The following LRP2BP variants were observed in gnomAD, a reference collection of about 807,000 sequenced individuals.
The protein encoded by LRP2BP is LRP2 binding protein.
Under a neutral mutation model 45.2 loss-of-function variants are expected in LRP2BP, and 38 were observed. The ratio of observed to expected loss-of-function variants is 0.84; its 90% CI spans 0.65 to 1.10. LRP2BP has a LOEUF of 1.10. LRP2BP is among the 50% of genes least tolerant of loss of function. The pLI, the probability that LRP2BP is intolerant of heterozygous loss-of-function variation, is 0.00. For missense variants in LRP2BP, 385 were observed against 418.9 expected (o/e 0.92, Z 0.71); for synonymous variants, 153 against 153.9 (o/e 0.99, Z 0.04).
intron 1 of LRP2BP, among the ~76,000 whole-genome samples, chr4:185,385,821 A>G (rs774414332): frequency 6.7e-6 from 1 of 149,894 alleles, no homozygotes; most frequent in East Asian, 2.0e-4. Flanking sequence ...GAATTGCTCA[A>G]ACCCGGAAGG....
intron 1 of LRP2BP, among the ~76,000 whole-genome samples, chr4:185,388,859 C>T (rs2095479774): frequency 6.7e-6 from 1 of 150,216 alleles, no homozygotes; most frequent in African/African-American, 2.5e-5. Context: ...AAATGCTAAT[C>T]TTACTAATAA....
intron 8 of LRP2BP, among the ~76,000 whole-genome samples, chr4:185,369,092 A>G (rs6851813): frequency 6.7e-6 from 1 of 149,972 alleles, no homozygotes; most frequent in African/African-American, 2.4e-5. Context: ...CGGTACCTGG[A>G]CTTTTTTTGT....
chr4:185,390,901 T>C (rs1336562189), intron 1 of LRP2BP: 1 of 152,234 alleles, frequency 6.6e-6, no homozygotes, highest in Admixed American at 6.5e-5. Flanking sequence ...CACATTATAA[T>C]AGTATGTTTG....
In LRP2BP at chr4:185,394,821, C is replaced by T. The variant is rs557099958; in HGVS notation, c.-64G>A. On this transcript the variant is annotated 5_prime_UTR_variant, in exon 1 of 9. Transcript: ENST00000505916. Reference sequence around the variant, plus strand: ...TTTTAACACTCGCTGTAAATGGCATCCTCGTTCTGGAAACGCATCTACCAG... The same window carrying T: ...TTTTAACACTCGCTGTAAATGGCATTCTCGTTCTGGAAACGCATCTACCAG... 11 of 985,436 alleles carry T rather than the reference C, an allele frequency of 1.1e-5. No homozygotes were observed. In the South Asian group the frequency reaches 3.8e-4, roughly 34 times the overall value. The allele number at this position is 985,436 out of a possible 1,614,324, so 61.0% of individuals were successfully genotyped here. A position where few individuals can be genotyped will look rare whatever the true frequency, so the allele number is the denominator to read the frequency against.
intron 8 of LRP2BP, chr4:185,369,891 G>C: frequency 2.9e-6 from 1 of 349,038 alleles, no homozygotes. Context: ...TGTAATATCA[G>C]AGTCAGCCAA....
At chr4:185,375,513 T>TA (rs1265386343) in intron 4 of LRP2BP, 100 bp downstream of exon 4, 1 of 87,152 alleles carries the variant, frequency 1.1e-5, no homozygotes, top group Non-Finnish European at 2.0e-5. Context: ...TATATATATA[T>TA]ATGTATATAT....
intron 1 of LRP2BP, among the ~76,000 whole-genome samples, chr4:185,381,375 C>A (rs571145912): frequency 6.6e-6 from 1 of 152,170 alleles, no homozygotes; most frequent in East Asian, 1.9e-4. Context: ...CATTCTTGGG[C>A]CTGCTTTTTC....
chr4:185,368,310 C>A (rs1296500698), intron 8 of LRP2BP, among the ~76,000 whole-genome samples: 1 of 152,224 alleles, frequency 6.6e-6, no homozygotes, highest in Non-Finnish European at 1.5e-5. Context: ...GGGAGTCACC[C>A]TGCCTGACGG....
intron 1 of LRP2BP, among the ~76,000 whole-genome samples, chr4:185,380,588 T>C (rs371723371): frequency 1.8e-4 from 28 of 152,312 alleles, no homozygotes; most frequent in African/African-American, 6.7e-4. Context: ...CACCAGTCAT[T>C]GGAGTTGGCA....
intron 1 of LRP2BP, among the ~76,000 whole-genome samples, chr4:185,393,515 T>C (rs934374344): frequency 1.9e-4 from 25 of 130,296 alleles, no homozygotes; most frequent in African/African-American, 5.6e-4. Flanking sequence ...CAAGAGTAAT[T>C]ACTTTTTCTT....
upstream of LRP2BP, chr4:185,396,985 C>T (rs745658221): frequency 5.1e-5 from 83 of 1,612,832 alleles, no homozygotes; most frequent in Non-Finnish European, 6.9e-5. Flanking sequence ...GAGCTTTTGT[C>T]CTGCAGGCTC....
At chr4:185,394,570 AAT>A (rs1481379004) in intron 1 of LRP2BP, among the ~76,000 whole-genome samples, 1 of 152,238 alleles carries the variant, frequency 6.6e-6, no homozygotes, top group Non-Finnish European at 1.5e-5. Flanking sequence ...GTTAGTGGTT[AAT>A]ACTTTCTCAT....
At chr4:185,379,063 A>G (rs2095447566) in intron 1 of LRP2BP, 2 of 696,336 alleles carry the variant, frequency 2.9e-6, no homozygotes, top group East Asian at 1.3e-4. Flanking sequence ...TTAGTAGGGG[A>G]AAAAAATCAC....
Position 185,374,465 on chromosome 4 carries a change from C to T in LRP2BP, c.331-4G>A, listed in dbSNP as rs760319896. 14 of 1,603,672 alleles carry T rather than the reference C, an allele frequency of 8.7e-6. No individual in the cohort carries two copies. Among genetic ancestry groups the T allele is most frequent in the Non-Finnish European group, 1.1e-5 (13 of 1,177,658 alleles). ...TCATATAGTCCACCCCTTTCTCCTT[C>T]GACAAAAGAAAGAGCAAAAAAACCC... On this transcript the variant is annotated splice_region_variant and splice_polypyrimidine_tract_variant and intron_variant, in intron 4 of 8. Transcript: ENST00000505916.
chr4:185,388,321 C>T (rs1201025491), intron 1 of LRP2BP, among the ~76,000 whole-genome samples: 2 of 152,080 alleles, frequency 1.3e-5, no homozygotes, highest in African/African-American at 4.8e-5. Context: ...ACATCTCATC[C>T]TTATTCCCAA....
At position 185,385,603 on chromosome 4, in the gene LRP2BP, T is replaced by C. The variant is rs993711829; in HGVS notation, c.-21-7396A>G. 3.3e-5 allele frequency among the ~76,000 whole-genome samples: 5 copies of C among 152,256 alleles called. No individual in the cohort carries two copies. In the East Asian group the frequency reaches 9.7e-4, roughly 29 times the overall value. On this transcript the variant is annotated intron_variant, in intron 1 of 8. Coordinates refer to ENST00000505916, the MANE Select transcript of LRP2BP (RefSeq NM_001377440.1). ...CCCATGTCCTTGGACAAACTGAATG[T>C]ATAGTAACATCATCCCAGGCCAGGC...
chr4:185,396,950 G>A (rs1197070019), upstream of LRP2BP: 1 of 1,613,568 alleles, frequency 6.2e-7, no homozygotes, highest in Non-Finnish European at 8.5e-7. Flanking sequence ...GCAACCCCGA[G>A]GTGAGATTCG....
At chr4:185,373,984 G>T in intron 6 of LRP2BP, 151 bp downstream of exon 6, 1 of 654,228 alleles carries the variant, frequency 1.5e-6, no homozygotes, top group Non-Finnish European at 2.6e-6. Context: ...AAATAAAAGG[G>T]CTTTGAGATC....
At position 185,372,967 on chromosome 4, in the gene LRP2BP, A is replaced by G. The variant is rs1364772156; in HGVS notation, c.692T>C (p.Leu231Pro). ...TTCTGCTGCTTCTCTTAAGCACTGC[A>G]GGGCAGCTTCCGTATCCTGCCGGAT... ...QGIRQDTEAA[L>P]QCLREAAERG... The change falls in exon 7 of 9, where the codon CTG becomes CCG. Residue 231 changes from leucine to proline, a missense_variant. Leu to Pro is a moderately conservative substitution (Grantham distance 98). Transcript: ENST00000505916. 1.2e-6 allele frequency: 2 copies of G among 1,614,046 alleles called. No homozygotes were observed. The highest frequency in any genetic ancestry group is 2.2e-5 in the South Asian group (2 of 91,084).
Sources: gnomAD v4.1 joint callset for allele counts (sites outside exome capture counted in the v4.1 genomes callset) on GRCh38, gnomAD v4.1.1 for gene constraint, MANE v1.5 for transcripts, NCBI Gene and HGNC (gene_info 2026-07-23, HGNC 2026-07-21) for gene names.